Variants in OTOF observed in about 807,000 individuals in gnomAD.
OTOF encodes the protein fer-1-like family member 2.
Under a neutral mutation model 236.8 loss-of-function variants are expected in OTOF, and 218 were observed. That is an observed-to-expected ratio of 0.92 (90% CI 0.82 to 1.03). The LOEUF is 1.03. Ranked by LOEUF, OTOF falls within the 50% of genes least tolerant of loss-of-function variation. The pLI is 0.00. For missense variants in OTOF, 2,590 were observed against 2,694.4 expected, an observed-to-expected ratio of 0.96 and a Z score of 0.86; for synonymous variants, 1,041 against 1,072.5, an observed-to-expected ratio of 0.97 and a Z score of 0.57.
chr2:26,536,807 C>T (rs1667082182), intron 2 of OTOF, among the ~76,000 whole-genome samples: 1 of 152,204 alleles, frequency 6.6e-6, no homozygotes, highest in African/African-American at 2.4e-5. Context: ...ACTGCTGGCC[C>T]TCACTCCAAA....
At chr2:26,476,718 C>T (rs1286911278) in intron 22 of OTOF, among the ~76,000 whole-genome samples, 173 bp downstream of exon 22, 1 of 99,312 alleles carries the variant, frequency 1.0e-5, no homozygotes, top group Non-Finnish European at 2.1e-5. Flanking sequence ...TCCCCCACCC[C>T]TTCCCCCACC....
chr2:26,536,776 G>T (rs868108489), intron 2 of OTOF, among the ~76,000 whole-genome samples: 67 of 152,238 alleles, frequency 4.4e-4, no homozygotes, highest in Middle Eastern at 6.3e-3. Flanking sequence ...CTTCCAGTTT[G>T]TGCTAAGATG....
chr2:26,534,875 A>AG (rs1358800175), intron 2 of OTOF, among the ~76,000 whole-genome samples: 1 of 152,190 alleles, frequency 6.6e-6, no homozygotes, highest in East Asian at 1.9e-4. Flanking sequence ...AAGAAGGTTC[A>AG]GGGGGATTTG....
chr2:26,472,741 T>A (rs1315827513), intron 29 of OTOF, 92 bp from the exon 30 acceptor site: 1 of 1,358,702 alleles, frequency 7.4e-7, no homozygotes, highest in Non-Finnish European at 1.0e-6. Context: ...GAACTAAAGC[T>A]GATTCTGGAA....
intron 1 of OTOF, among the ~76,000 whole-genome samples, chr2:26,550,881 G>A (rs965990083): frequency 2.0e-5 from 3 of 152,022 alleles, no homozygotes; most frequent in African/African-American, 4.8e-5. Context: ...GTTTGGCTGC[G>A]TCCCCCGTGC....
Position 26,464,965 on chromosome 2 carries a change from C to T in OTOF, c.4864G>A (p.Asp1622Asn), listed in dbSNP as rs1256894618. 5.8e-6 allele frequency: 9 copies of T among 1,559,106 alleles called. No homozygotes were observed. Among genetic ancestry groups the T allele is most frequent in the Non-Finnish European group, 7.8e-6 (9 of 1,149,782 alleles). Residue 1622 changes from aspartate to asparagine, a missense_variant, in exon 39 of 47, where the codon GAC becomes AAC. By Grantham distance (23) the Asp-to-Asn change is conservative. Transcript: ENST00000272371. ...PSQILTRLCK[D>N]GKVDGPHFGP... The stretch of plus-strand genomic sequence containing the variant: ...AAGTGGGGGCCGTCCACTTTGCCGT[C>T]TTTGCAGAGGCGGGTCAGGATCTGG...
Position 26,477,723 on chromosome 2 carries a change from C to T in OTOF, c.2241G>A (p.Glu747=). ...KLEEGLNDIQ[E]MIKTEKSYPE... is the part of the protein sequence containing the mutation. ...GGTAGGACTTCTCCGTTTTGATCATCTCCTGTATGTCGTTCAGGCCTTCTT... is the reference window on the plus strand; with the variant it reads ...GGTAGGACTTCTCCGTTTTGATCATTTCCTGTATGTCGTTCAGGCCTTCTT... The change falls in exon 19 of 47, where the codon GAG becomes GAA. Residue 747 remains glutamate, a synonymous_variant. Coordinates refer to ENST00000272371, the MANE Select transcript of OTOF (RefSeq NM_194248.3). The surrounding 1 kb of genome is among the most constrained non-coding windows in gnomAD (Gnocchi z 4.7). 1.2e-6 allele frequency: 2 copies of T among 1,612,764 alleles called. No homozygotes were observed. The highest frequency in any genetic ancestry group is 1.1e-5 in the South Asian group (1 of 91,090).
chr2:26,494,077 A>G (rs1341535412), intron 9 of OTOF, among the ~76,000 whole-genome samples: 1 of 152,214 alleles, frequency 6.6e-6, no homozygotes, highest in Non-Finnish European at 1.5e-5. Flanking sequence ...CCAAGGTGCC[A>G]TATTTGTGAT....
chr2:26,540,492 G>A (rs1667186439), intron 1 of OTOF, among the ~76,000 whole-genome samples: 1 of 152,202 alleles, frequency 6.6e-6, no homozygotes, highest in African/African-American at 2.4e-5. Flanking sequence ...GGCAAGGAAG[G>A]GGGCTCAGCA....
intron 1 of OTOF, among the ~76,000 whole-genome samples, chr2:26,555,236 G>T (rs372655883): frequency 2.6e-5 from 4 of 152,308 alleles, no homozygotes; most frequent in Admixed American, 1.3e-4. Flanking sequence ...CCTGGGAACT[G>T]CAGGCCTCTG....
At chr2:26,524,417 G>A (rs1043035238) in intron 3 of OTOF, among the ~76,000 whole-genome samples, 6 of 152,206 alleles carry the variant, frequency 3.9e-5, no homozygotes, top group African/African-American at 9.6e-5. Context: ...GCCAAGACAT[G>A]AGAATCACTT....
At chr2:26,532,146 A>C (rs1666966317) in intron 2 of OTOF, among the ~76,000 whole-genome samples, 1 of 150,826 alleles carries the variant, frequency 6.6e-6, no homozygotes, top group Non-Finnish European at 1.5e-5. Flanking sequence ...TGAAGGAAGA[A>C]TTTCATCTGG....
In OTOF at chr2:26,477,152, C is replaced by A; in HGVS notation, c.2523+20G>T. ...GAGCCAGCCCTGGATGAGGCAAAGC[C>A]CCGACCCCTTGGGCCGCACCTCGTC... On this transcript the variant is annotated intron_variant, in intron 21 of 46. Coordinates refer to ENST00000272371, the MANE Select transcript of OTOF (RefSeq NM_194248.3). This position sits in a 1 kb window ranked among gnomAD's most constrained non-coding sequence, Gnocchi z 4.7. The A allele has an allele frequency of 6.2e-7, 1 of 1,604,590 alleles. No individual in the cohort carries two copies. Among genetic ancestry groups the A allele is most frequent in the Non-Finnish European group, 8.5e-7 (1 of 1,176,028 alleles).
intron 2 of OTOF, among the ~76,000 whole-genome samples, chr2:26,534,181 C>G (rs568799819): frequency 2.6e-5 from 4 of 152,306 alleles, no homozygotes; most frequent in African/African-American, 9.6e-5. Flanking sequence ...ATGCTTGTGT[C>G]AAGCTCTCAG....
At chr2:26,532,092 CA>C (rs150580671) in intron 2 of OTOF, among the ~76,000 whole-genome samples, 130 of 80,194 alleles carry the variant, frequency 1.6e-3, no homozygotes, top group Admixed American at 4.3e-3. Context: ...GACTCCACCT[CA>C]AAAAAAAAAA....
At position 26,461,004 on chromosome 2, in the gene OTOF, A is replaced by G; in HGVS notation, c.5560T>C (p.Phe1854Leu). Residue 1854 changes from phenylalanine (F) to leucine (L), a missense_variant, in exon 44 of 47, where the codon TTC becomes CTC. By Grantham distance (22) the Phe-to-Leu change is conservative. Around this residue, in one of 2 missense-constraint regions of OTOF, gnomAD observed 1,211 missense variants for 1,352.8 expected, o/e 0.90. Coordinates refer to ENST00000272371, the MANE Select transcript of OTOF (RefSeq NM_194248.3). This position sits in a 1 kb window ranked among gnomAD's most constrained non-coding sequence, Gnocchi z 6.2. The part of the protein sequence containing the change: ...LGAIELDLNR[F>L]PRGAKTAKQC... ...TTGGCTGTCTTTGCGCCCCGCGGGA[A>G]CCGGTTCAGGTCCAGCTCGATGGCC... 1 of 1,456,806 alleles carries G rather than the reference A, an allele frequency of 6.9e-7. No homozygotes were observed. The allele number at this position is 1,456,806 out of a possible 1,614,324, so 90.2% of individuals were successfully genotyped here. A position where few individuals can be genotyped will look rare whatever the true frequency, so the allele number is the denominator to read the frequency against.
chr2:26,473,959 C>A lies in OTOF; in HGVS notation c.3408+32G>T. 1 of 1,612,460 alleles carries A rather than the reference C, an allele frequency of 6.2e-7. No homozygotes were observed. Among genetic ancestry groups the A allele is most frequent in the Non-Finnish European group, 8.5e-7 (1 of 1,179,762 alleles). ...CTCCTGGGTCCTCAGACTCCTCATCCAAAAGGGAAGGGCCACACAGAGCCC... is the reference window on the plus strand; with the variant it reads ...CTCCTGGGTCCTCAGACTCCTCATCAAAAAGGGAAGGGCCACACAGAGCCC... On this transcript the variant is annotated intron_variant, in intron 27 of 46. Coordinates refer to ENST00000272371, the MANE Select transcript of OTOF (RefSeq NM_194248.3). This position sits in a 1 kb window ranked among gnomAD's most constrained non-coding sequence, Gnocchi z 7.2.
Position 26,467,476 on chromosome 2 carries a change from C to T in OTOF, c.4116G>A (p.Lys1372=). 1.2e-6 allele frequency: 2 copies of T among 1,614,084 alleles called. No individual in the cohort carries two copies. Among genetic ancestry groups the T allele is most frequent in the Non-Finnish European group, 1.7e-6 (2 of 1,180,014 alleles). ...TEGLKGSMKG[K]EKARAAKEEK... ...CCTCTTTGGCAGCCCTTGCCTTCTC[C>T]TTGCCCTTCATTGACCCCTTCAGGC... Residue 1372 remains lysine (K), a synonymous_variant, in exon 34 of 47, where the codon AAG becomes AAA. Coordinates refer to ENST00000272371, the MANE Select transcript of OTOF (RefSeq NM_194248.3).
chr2:26,460,625 G>C lies in OTOF; in HGVS notation c.5813+22C>G. 6.3e-7 allele frequency: 1 copy of C among 1,590,512 alleles called. No individual in the cohort carries two copies. The highest frequency in any genetic ancestry group is 8.6e-7 in the Non-Finnish European group (1 of 1,159,066). The stretch of plus-strand genomic sequence containing the variant: ...CCTCCAAGAGCCAGAGTGGGGAGGG[G>C]CTGGGCCGGCAGGGCACTCACTTGG... On this transcript the variant is annotated intron_variant, in intron 45 of 46. Coordinates refer to ENST00000272371, the MANE Select transcript of OTOF (RefSeq NM_194248.3). The surrounding 1 kb of genome is among the most constrained non-coding windows in gnomAD (Gnocchi z 5.3).
Sources: allele counts gnomAD v4.1 joint callset (sites outside exome capture counted in the v4.1 genomes callset), GRCh38; gene constraint gnomAD v4.1.1; regional missense constraint gnomAD v4.1.1; non-coding constraint Gnocchi (gnomAD v3.1); transcripts MANE v1.5; gene names NCBI Gene and HGNC (gene_info 2026-07-23, HGNC 2026-07-21).